Variants in FAM167A observed in about 807,000 individuals in gnomAD.
The protein encoded by FAM167A is protein FAM167A.
FAM167A carries 23 observed loss-of-function variants against 14.9 expected under a neutral mutation model. The ratio of observed to expected loss-of-function variants is 1.55; its 90% CI spans 1.11 to 2.19. The LOEUF (loss-of-function observed/expected upper bound fraction) is 2.19. FAM167A is among the 30% of genes most tolerant of loss of function. The pLI, the probability that FAM167A is intolerant of heterozygous loss-of-function variation, is 0.00. For synonymous variants in FAM167A, 174 were observed against 117.7 expected (o/e 1.48, Z -3.10); for missense variants, 401 against 281.5 (o/e 1.42, Z -3.04).
chr8:11,461,255 G>A (rs1208610263), intron 1 of FAM167A, among the ~76,000 whole-genome samples: 1 of 152,264 alleles, frequency 6.6e-6, no homozygotes, highest in Non-Finnish European at 1.5e-5. Context: ...GGCAGGAAGA[G>A]GTGCCTGAGA....
At chr8:11,449,086 G>T (rs1370966966) in intron 1 of FAM167A, among the ~76,000 whole-genome samples, 2 of 152,230 alleles carry the variant, frequency 1.3e-5, no homozygotes, top group Non-Finnish European at 2.9e-5. Context: ...AGATGGTGAG[G>T]AGCTGCTGCA....
chr8:11,423,788 C>T lies in FAM167A; in HGVS notation c.*585G>A, dbSNP rs990192686. The T allele has an allele frequency of 6.3e-6, 1 of 158,638 alleles. No homozygotes were observed. Among genetic ancestry groups the T allele is most frequent in the African/African-American group, 2.4e-5 (1 of 41,514 alleles). 9.8% of individuals were successfully genotyped at this position (158,638 alleles called of 1,614,324 possible). A position where few individuals can be genotyped will look rare whatever the true frequency, so the allele number is the denominator to read the frequency against. Reference sequence around the variant, plus strand: ...TATAGTGTCAGGCTCACCAGAGACACTGGCTGCCAGCCACTGGGGCTGCGT... The same window carrying T: ...TATAGTGTCAGGCTCACCAGAGACATTGGCTGCCAGCCACTGGGGCTGCGT... On this transcript the variant is annotated 3_prime_UTR_variant, in exon 3 of 3. Transcript: ENST00000284486.
chr8:11,436,325 C>T (rs1437539420), intron 2 of FAM167A, among the ~76,000 whole-genome samples: 3 of 152,358 alleles, frequency 2.0e-5, no homozygotes, highest in South Asian at 4.1e-4. Flanking sequence ...CCCTGCCACT[C>T]CCCTGGAGAG....
At chr8:11,470,771 C>T (rs1807933654), upstream of FAM167A, among the ~76,000 whole-genome samples, 1 of 152,058 alleles carries the variant, frequency 6.6e-6, no homozygotes, top group Non-Finnish European at 1.5e-5. Flanking sequence ...GACTCTCAGC[C>T]CAGGGCCAGA....
chr8:11,450,836 G>C (rs987334481), intron 1 of FAM167A, among the ~76,000 whole-genome samples: 1 of 152,156 alleles, frequency 6.6e-6, no homozygotes, highest in Non-Finnish European at 1.5e-5. Flanking sequence ...CTGTCCCCAC[G>C]GATGCCACCC....
Position 11,424,342 on chromosome 8 carries a change from C to T in FAM167A, c.*31G>A. ...ACACCCCTCCAGCCCAAGCCCTCCG[C>T]TCCAGCCCCTCCGCCCAGTCTGAGG... On this transcript the variant is annotated 3_prime_UTR_variant, in exon 3 of 3. Coordinates refer to ENST00000284486, the MANE Select transcript of FAM167A (RefSeq NM_053279.3). 1 of 1,611,556 alleles carries T rather than the reference C, an allele frequency of 6.2e-7. No homozygotes were observed. Among genetic ancestry groups the T allele is most frequent in the Non-Finnish European group, 8.5e-7 (1 of 1,178,014 alleles).
At chr8:11,457,354 GA>G (rs1163216115) in intron 1 of FAM167A, among the ~76,000 whole-genome samples, 1 of 151,862 alleles carries the variant, frequency 6.6e-6, no homozygotes, top group Non-Finnish European at 1.5e-5. Flanking sequence ...TCTTCTGAAG[GA>G]CATTGATGCT....
chr8:11,455,095 G>C (rs548920775), intron 1 of FAM167A, among the ~76,000 whole-genome samples: 4 of 152,344 alleles, frequency 2.6e-5, no homozygotes, highest in Non-Finnish European at 4.4e-5. Flanking sequence ...CCCGGCCCCA[G>C]TGCTGCACGT....
intron 2 of FAM167A, among the ~76,000 whole-genome samples, chr8:11,439,218 T>G (rs910251538): frequency 6.6e-6 from 1 of 152,252 alleles, no homozygotes; most frequent in Non-Finnish European, 1.5e-5. Flanking sequence ...AAGATGGGAA[T>G]AGCAAATACT....
upstream of FAM167A, among the ~76,000 whole-genome samples, chr8:11,471,227 C>T (rs1352590599): frequency 1.3e-5 from 2 of 152,160 alleles, no homozygotes; most frequent in East Asian, 1.9e-4. Flanking sequence ...AGGGCATGTG[C>T]GGAGGCTTTG....
intron 2 of FAM167A, among the ~76,000 whole-genome samples, chr8:11,429,132 C>T (rs1805392130): frequency 6.6e-6 from 1 of 152,188 alleles, no homozygotes; most frequent in Admixed American, 6.5e-5. Context: ...CATCCCCCTC[C>T]TCCAGCCCCT....
intron 1 of FAM167A, among the ~76,000 whole-genome samples, chr8:11,447,442 C>G (rs10111303): frequency 0.12 from 17,909 of 152,280 alleles, 1,191 homozygotes; most frequent in African/African-American, 0.18. Flanking sequence ...TAGACCATGT[C>G]AGGACCATCT....
At chr8:11,462,504 G>C (rs567896603) in intron 1 of FAM167A, among the ~76,000 whole-genome samples, 4 of 152,302 alleles carry the variant, frequency 2.6e-5, no homozygotes, top group African/African-American at 9.6e-5. Flanking sequence ...ATCGAATTGG[G>C]AAATGGCTCC....
chr8:11,428,467 A>G (rs1805340620), intron 2 of FAM167A, among the ~76,000 whole-genome samples: 1 of 152,194 alleles, frequency 6.6e-6, no homozygotes, highest in African/African-American at 2.4e-5. Context: ...TAAGGGTGAA[A>G]AGAGAAAGAA....
intron 1 of FAM167A, among the ~76,000 whole-genome samples, chr8:11,460,543 C>T (rs775378504): frequency 2.0e-5 from 3 of 152,248 alleles, no homozygotes; most frequent in Non-Finnish European, 4.4e-5. Flanking sequence ...GCCCGGTTTG[C>T]AGTGTCCTAT....
At chr8:11,432,268 C>T (rs1056125098) in intron 2 of FAM167A, among the ~76,000 whole-genome samples, 5 of 152,190 alleles carry the variant, frequency 3.3e-5, no homozygotes, top group African/African-American at 1.2e-4. Context: ...CATGTACTAT[C>T]ATCAGAGTGA....
upstream of FAM167A, among the ~76,000 whole-genome samples, chr8:11,471,920 G>T (rs940851208): frequency 3.3e-5 from 5 of 152,188 alleles, no homozygotes; most frequent in Admixed American, 1.3e-4. Flanking sequence ...TAAGAGGGGG[G>T]CCACAGGTGG....
chr8:11,446,789 G>C (rs1200639655), intron 1 of FAM167A, among the ~76,000 whole-genome samples: 1 of 152,228 alleles, frequency 6.6e-6, no homozygotes, highest in Non-Finnish European at 1.5e-5. Context: ...CAAATCTAAA[G>C]ACTTATCAGC....
intron 1 of FAM167A, among the ~76,000 whole-genome samples, chr8:11,462,689 C>G (rs1338647463): frequency 6.6e-6 from 1 of 152,110 alleles, no homozygotes; most frequent in Non-Finnish European, 1.5e-5. Flanking sequence ...AGATGGTGGG[C>G]TGTTCTGTGT....
Sources: gnomAD v4.1 joint callset for allele counts (sites outside exome capture counted in the v4.1 genomes callset) on GRCh38, gnomAD v4.1.1 for gene constraint, MANE v1.5 for transcripts, NCBI Gene and HGNC (gene_info 2026-07-23, HGNC 2026-07-21) for gene names.